SORCS3: variants seen among roughly 807,000 people sequenced by gnomAD.
SORCS3 encodes the protein VPS10 domain-containing receptor SorCS3.
In SORCS3, 57 loss-of-function variants were observed where a neutral mutation model predicts 146.3. The observed-to-expected ratio is 0.39, with a 90% CI of 0.31 to 0.49. The LOEUF (loss-of-function observed/expected upper bound fraction) is 0.49. Among genes scored for constraint, SORCS3 ranks in the 20% least tolerant of loss-of-function variants. The pLI, the probability that SORCS3 is intolerant of heterozygous loss-of-function variation, is 0.92. For missense variants in SORCS3, 1,341 were observed against 1,575.5 expected, an observed-to-expected ratio of 0.85 and a Z score of 2.52; for synonymous variants, 653 against 618.5, an observed-to-expected ratio of 1.06 and a Z score of -0.83.
chr10:105,181,201 T>G (rs2056440511), intron 14 of SORCS3, among the ~76,000 whole-genome samples: 1 of 152,248 alleles, frequency 6.6e-6, no homozygotes, highest in African/African-American at 2.4e-5. Context: ...ATCAAGTGAC[T>G]TCTAAAAATC....
chr10:105,184,902 T>G (rs1455039254), intron 14 of SORCS3, among the ~76,000 whole-genome samples: 1 of 152,212 alleles, frequency 6.6e-6, no homozygotes, highest in East Asian at 1.9e-4. Flanking sequence ...ATGTTATACA[T>G]CAGATTTCTA....
At chr10:104,887,765 CTA>C (rs2018704061) in intron 2 of SORCS3, among the ~76,000 whole-genome samples, 1 of 152,188 alleles carries the variant, frequency 6.6e-6, no homozygotes, top group African/African-American at 2.4e-5. Context: ...ATTCTCACCT[CTA>C]TGACTTTGTT....
intron 4 of SORCS3, among the ~76,000 whole-genome samples, chr10:105,018,265 G>C (rs568680397): frequency 4.6e-5 from 7 of 152,348 alleles, no homozygotes; most frequent in East Asian, 3.9e-4. Context: ...TTCTGTCCTA[G>C]TCTCTCAGTA....
chr10:105,022,290 T>C (rs1255878650), intron 4 of SORCS3, among the ~76,000 whole-genome samples: 1 of 142,020 alleles, frequency 7.0e-6, no homozygotes, highest in Non-Finnish European at 1.5e-5. Context: ...CCATTCATTT[T>C]TCTTTTCTTT....
intron 2 of SORCS3, among the ~76,000 whole-genome samples, chr10:104,844,539 T>C (rs1267990370): frequency 2.6e-5 from 4 of 152,182 alleles, no homozygotes; most frequent in Non-Finnish European, 5.9e-5. Flanking sequence ...CATCAGTATG[T>C]ACCAAGAGAC....
intron 1 of SORCS3, among the ~76,000 whole-genome samples, chr10:104,827,201 T>G (rs140816619): frequency 2.0e-3 from 301 of 152,346 alleles, no homozygotes; most frequent in Non-Finnish European, 3.6e-3. Flanking sequence ...CTTCATGACA[T>G]ATGGAATAGT....
intron 2 of SORCS3, among the ~76,000 whole-genome samples, chr10:104,896,156 A>G (rs1231362360): frequency 6.6e-6 from 1 of 152,164 alleles, no homozygotes; most frequent in East Asian, 1.9e-4. Flanking sequence ...CAATGTGATA[A>G]TAGCCACATG....
At chr10:105,007,274 A>G (rs1451852135) in intron 4 of SORCS3, among the ~76,000 whole-genome samples, 1 of 152,190 alleles carries the variant, frequency 6.6e-6, no homozygotes, top group African/African-American at 2.4e-5. Context: ...AATATGTGAT[A>G]TAATTTCTGC....
intron 20 of SORCS3, among the ~76,000 whole-genome samples, chr10:105,237,689 T>A (rs1462091201): frequency 1.3e-5 from 2 of 152,164 alleles, no homozygotes; most frequent in Non-Finnish European, 2.9e-5. Context: ...TTAGAGCTGT[T>A]TGGTTCCCTT....
chr10:105,046,122 A>T (rs959852467), intron 5 of SORCS3, among the ~76,000 whole-genome samples: 1 of 152,062 alleles, frequency 6.6e-6, no homozygotes, highest in Non-Finnish European at 1.5e-5. Context: ...AGAGGTATTG[A>T]GGGTGGTTGG....
chr10:105,214,381 C>CACACAT (rs2119648664), intron 17 of SORCS3, 61 bp from the exon 18 acceptor site: 1 of 1,568,224 alleles, frequency 6.4e-7, no homozygotes, highest in Non-Finnish European at 8.8e-7. Flanking sequence ...CACACACACA[C>CACACAT]ATACAACAGC....
At chr10:105,193,881 C>A (rs927907033) in intron 14 of SORCS3, among the ~76,000 whole-genome samples, 1 of 152,074 alleles carries the variant, frequency 6.6e-6, no homozygotes, top group African/African-American at 2.4e-5. Context: ...CATTTAGAAT[C>A]AGAGGAGTTT....
At chr10:105,036,962 G>A (rs2055310330) in intron 4 of SORCS3, among the ~76,000 whole-genome samples, 1 of 152,186 alleles carries the variant, frequency 6.6e-6, no homozygotes, top group Non-Finnish European at 1.5e-5. Flanking sequence ...TATGAGGAAA[G>A]TTTATTTCAG....
At chr10:104,924,801 C>A (rs968209134) in intron 3 of SORCS3, among the ~76,000 whole-genome samples, 1 of 152,158 alleles carries the variant, frequency 6.6e-6, no homozygotes, top group Non-Finnish European at 1.5e-5. Flanking sequence ...GCATAACTAG[C>A]ATGTTAGATA....
rs149415086 is a variant in SORCS3, at chr10:105,215,075, G to A, written c.2547+462G>A. The stretch of plus-strand genomic sequence containing the variant: ...CTTAAAAGTAAGAGCATGAGGATGG[G>A]GAAGATTATTGAAATCCTTTAAAGT... On this transcript the variant is annotated intron_variant, in intron 18 of 26. Transcript: ENST00000369701. Among the ~76,000 whole-genome samples the A allele has an allele frequency of 3.3e-5, 5 of 152,248 alleles. No individual in the cohort carries two copies. The South Asian group carries it at 6.2e-4, about 19-fold the overall frequency.
chr10:104,760,011 C>A (rs1446965012), intron 1 of SORCS3, among the ~76,000 whole-genome samples: 1 of 152,168 alleles, frequency 6.6e-6, no homozygotes, highest in Non-Finnish European at 1.5e-5. Flanking sequence ...CCCAGGGGGG[C>A]AATAGCTGAG....
intron 11 of SORCS3, among the ~76,000 whole-genome samples, chr10:105,162,063 T>TAGCC (rs1170382172): frequency 5.9e-5 from 9 of 152,184 alleles, no homozygotes; most frequent in Non-Finnish European, 1.2e-4. Flanking sequence ...ACTGAGCCTG[T>TAGCC]AGCCACCCTG....
chr10:105,211,270 GA>G lies in SORCS3; in HGVS notation c.2375+22del. ...CACTGGGTAAGTAAAACACCTACAG[GA>G]ACTCAGCTCCCTGTTTTCCTGTTTC... On this transcript the variant is annotated intron_variant, in intron 17 of 26. Coordinates refer to ENST00000369701, the MANE Select transcript of SORCS3 (RefSeq NM_014978.3). 1 of 1,533,992 alleles carries G rather than the reference GA, an allele frequency of 6.5e-7. No homozygotes were observed. The highest frequency in any genetic ancestry group is 9.0e-7 in the Non-Finnish European group (1 of 1,107,326).
chr10:104,843,689 C>T (rs548018998), intron 2 of SORCS3, among the ~76,000 whole-genome samples: 4 of 152,276 alleles, frequency 2.6e-5, no homozygotes, highest in Non-Finnish European at 4.4e-5. Flanking sequence ...AGGGAATGCC[C>T]GTGTGTTACA....
Sources: allele counts gnomAD v4.1 joint callset (sites outside exome capture counted in the v4.1 genomes callset), GRCh38; gene constraint gnomAD v4.1.1; transcripts MANE v1.5; gene names NCBI Gene and HGNC (gene_info 2026-07-23, HGNC 2026-07-21).